Variants in RIMBP2 observed in about 807,000 individuals in gnomAD.
RIMBP2 encodes RIMS binding protein 2.
In RIMBP2, 48 loss-of-function variants were observed where a neutral mutation model predicts 118.6. The ratio of observed to expected loss-of-function variants is 0.40; its 90% confidence interval spans 0.32 to 0.51. The LOEUF (loss-of-function observed/expected upper bound fraction) is 0.51. Among genes scored for constraint, RIMBP2 ranks in the 20% least tolerant of loss-of-function variants. The pLI is 0.41. For missense variants in RIMBP2, 1,551 were observed against 1,768.3 expected (o/e 0.88, Z 2.20); for synonymous variants, 762 against 742.9 (o/e 1.03, Z -0.42).
intron 12 of RIMBP2, 117 bp downstream of exon 12, chr12:130,438,248 C>T: frequency 1.7e-6 from 2 of 1,192,574 alleles, no homozygotes; most frequent in Non-Finnish European, 2.4e-6. Flanking sequence ...TTGAGGGTGC[C>T]TCCAGTGATC....
rs187678756 is a variant in RIMBP2, at chr12:130,420,301, C to T, written c.3238+2152G>A. Among the ~76,000 whole-genome samples the T allele has an allele frequency of 1.3e-3, 192 of 152,208 alleles. No homozygotes were observed. Among genetic ancestry groups the T allele is most frequent in the African/African-American group, 4.4e-3 (182 of 41,532 alleles). On this transcript the variant is annotated intron_variant, in intron 17 of 22. Transcript: ENST00000690449. The surrounding 1 kb of genome is among the most constrained non-coding windows in gnomAD (Gnocchi z 4.3). ...GTTAGAGTTATTTTATGTGGTGTCC[C>T]GGCTTGCTACATGATAAGAAGTCAG...
intron 6 of RIMBP2, among the ~76,000 whole-genome samples, chr12:130,462,048 G>T (rs2080040876): frequency 1.3e-5 from 2 of 152,328 alleles, no homozygotes; most frequent in South Asian, 4.1e-4. Flanking sequence ...ATGGCTGCAG[G>T]CTGTGGCTGC....
chr12:130,537,324 A>G (rs2054166825), intron 2 of RIMBP2, among the ~76,000 whole-genome samples: 1 of 152,242 alleles, frequency 6.6e-6, no homozygotes, highest in Non-Finnish European at 1.5e-5. Flanking sequence ...GCTGACGCTC[A>G]TAAGACTGAA....
In RIMBP2 at chr12:130,663,133, T is replaced by C. The variant is rs147363459; in HGVS notation, c.-351-34677A>G. Among the ~76,000 whole-genome samples, 19 of 152,304 alleles carry C rather than the reference T, an allele frequency of 1.2e-4. No individual in the cohort carries two copies. The East Asian group carries it at 3.7e-3, about 29-fold the overall frequency. On this transcript the variant is annotated intron_variant, in intron 1 of 22. Coordinates refer to ENST00000690449, the MANE Select transcript of RIMBP2 (RefSeq NM_001393629.1). ...TGCAGGCAGGAGGGGCCGGCTGGGT[T>C]ATTTTTGCCAAGTATCAAGAGGATA...
intron 6 of RIMBP2, among the ~76,000 whole-genome samples, chr12:130,458,477 G>A (rs2079653434): frequency 6.6e-6 from 1 of 152,126 alleles, no homozygotes; most frequent in Non-Finnish European, 1.5e-5. Flanking sequence ...TGCTGGTTCA[G>A]CCCTTAAGAC....
At chr12:130,490,215 G>A (rs2048512392) in intron 4 of RIMBP2, among the ~76,000 whole-genome samples, 2 of 151,572 alleles carry the variant, frequency 1.3e-5, no homozygotes, top group East Asian at 3.9e-4. Flanking sequence ...TGTTGCAACT[G>A]GACTCAAACC....
intron 4 of RIMBP2, 119 bp from the exon 5 acceptor site, chr12:130,479,135 C>T (rs1012783294): frequency 1.5e-5 from 10 of 670,632 alleles, no homozygotes; most frequent in Non-Finnish European, 1.9e-5. Context: ...AGCCCCTCAC[C>T]GCCCCACAGG....
At chr12:130,480,237 C>CACACACG (rs59071818) in intron 4 of RIMBP2, among the ~76,000 whole-genome samples, 6,141 of 150,246 alleles carry the variant, frequency 0.041, 219 homozygotes, top group African/African-American at 0.086. Flanking sequence ...ACACACACAC[C>CACACACG]TGTGGTAACT....
intron 1 of RIMBP2, among the ~76,000 whole-genome samples, chr12:130,641,414 CA>C (rs1373506203): frequency 3.0e-4 from 45 of 149,062 alleles, no homozygotes; most frequent in East Asian, 1.0e-3. Context: ...CTCGGCCCGG[CA>C]TCACGGGCTG....
At chr12:130,645,602 A>G (rs957286085) in intron 1 of RIMBP2, among the ~76,000 whole-genome samples, 1 of 152,214 alleles carries the variant, frequency 6.6e-6, no homozygotes, top group Non-Finnish European at 1.5e-5. Flanking sequence ...GAGCAAGCAC[A>G]TAGCCTGGGG....
chr12:130,606,438 C>T (rs2060192870), intron 2 of RIMBP2, among the ~76,000 whole-genome samples: 1 of 152,240 alleles, frequency 6.6e-6, no homozygotes, highest in African/African-American at 2.4e-5. Context: ...GTCTACACAG[C>T]TCCTCAGTTC....
chr12:130,472,746 C>G (rs2081114805), intron 5 of RIMBP2, among the ~76,000 whole-genome samples: 1 of 152,148 alleles, frequency 6.6e-6, no homozygotes. Context: ...ATCTGCCATT[C>G]CCTGGGCTAA....
At chr12:130,455,124 C>T (rs1394263335) in intron 7 of RIMBP2, among the ~76,000 whole-genome samples, 2 of 152,214 alleles carry the variant, frequency 1.3e-5, no homozygotes, top group Non-Finnish European at 2.9e-5. Context: ...CGTTTCTTGT[C>T]GCACGGAGTG....
chr12:130,601,321 T>A (rs1018533857), intron 2 of RIMBP2, among the ~76,000 whole-genome samples: 2 of 72,316 alleles, frequency 2.8e-5, no homozygotes, highest in Non-Finnish European at 5.1e-5. Flanking sequence ...GGGGATGGGG[T>A]CAAAGAGGGC....
rs573681391 is a variant in RIMBP2 at position 130,436,800 on chromosome 12, T to C, written c.2106+42A>G. The C allele has an allele frequency of 4.6e-5, 62 of 1,351,244 alleles. No homozygotes were observed. In the East Asian group the frequency reaches 1.5e-3, roughly 33 times the overall value. 83.7% of individuals were successfully genotyped at this position (1,351,244 alleles called of 1,614,324 possible). A position where few individuals can be genotyped will look rare whatever the true frequency, so the allele number is the denominator to read the frequency against. On this transcript the variant is annotated intron_variant, in intron 13 of 22. Transcript: ENST00000690449. ...ATTACAGGGCCCCGTCCCGTGGGGT[T>C]TGGGGACTGAGGAGCCACCGAGGCG... is the stretch of plus-strand genomic sequence containing the variant.
In RIMBP2 at chr12:130,424,111, C is replaced by T. The variant is rs569221557; in HGVS notation, c.3129+31G>A. 1.0e-4 allele frequency: 120 copies of T among 1,149,142 alleles called. No homozygotes were observed. The highest frequency in any genetic ancestry group is 1.3e-4 in the Admixed American group (3 of 23,592). 71.2% of individuals were successfully genotyped at this position (1,149,142 alleles called of 1,614,324 possible). A position where few individuals can be genotyped will look rare whatever the true frequency, so the allele number is the denominator to read the frequency against. ...GGATGGGACAGATTGGTTTGGCAAG[C>T]GGCTGTGAAAAGGAAGTTTAGGTCA... On this transcript the variant is annotated intron_variant, in intron 16 of 22. Coordinates refer to ENST00000690449, the MANE Select transcript of RIMBP2 (RefSeq NM_001393629.1). This position sits in a 1 kb window ranked among gnomAD's most constrained non-coding sequence, Gnocchi z 9.8.
chr12:130,508,264 C>A, intron 3 of RIMBP2, among the ~76,000 whole-genome samples: 1 of 151,938 alleles, frequency 6.6e-6, no homozygotes, highest in East Asian at 1.9e-4. Flanking sequence ...TGACCAGCAC[C>A]ATCTTTCTGA....
chr12:130,457,878 C>T (rs2079586917), intron 6 of RIMBP2, among the ~76,000 whole-genome samples: 2 of 152,294 alleles, frequency 1.3e-5, no homozygotes, highest in East Asian at 1.9e-4. Context: ...CATGCAAAGC[C>T]GCTTTCTTGC....
At chr12:130,445,321 C>T (rs769188623) in intron 9 of RIMBP2, 52 bp from the exon 10 acceptor site, 3 of 1,328,110 alleles carry the variant, frequency 2.3e-6, no homozygotes, top group Admixed American at 2.0e-5. Context: ...ACACAGCCCG[C>T]ACCCCTGTCC....
Sources: gnomAD v4.1 joint callset for allele counts (sites outside exome capture counted in the v4.1 genomes callset) on GRCh38, gnomAD v4.1.1 for gene constraint, Gnocchi (gnomAD v3.1) non-coding constraint, MANE v1.5 for transcripts, NCBI Gene and HGNC (gene_info 2026-07-23, HGNC 2026-07-21) for gene names.